Variants in SFMBT2 observed in about 807,000 individuals in gnomAD.
SFMBT2 encodes the protein scm-like with four MBT domains protein 2.
A neutral mutation model predicts 110.1 loss-of-function variants in SFMBT2; 38 were observed. That is an observed-to-expected ratio of 0.35 (90% CI 0.27 to 0.45). The LOEUF (loss-of-function observed/expected upper bound fraction) is 0.45. SFMBT2 is among the 20% of genes least tolerant of loss of function. The pLI is 1.00. For synonymous variants in SFMBT2, 425 were observed against 425.4 expected (o/e 1.00, Z 0.01); for missense variants, 1,011 against 1,094.9 (o/e 0.92, Z 1.08).
chr10:7,327,697 G>A (rs926426304), intron 4 of SFMBT2, among the ~76,000 whole-genome samples: 6 of 148,468 alleles, frequency 4.0e-5, no homozygotes, highest in South Asian at 2.1e-4. Flanking sequence ...AAAAAAAAAA[G>A]AACGTCATAT....
chr10:7,249,634 C>T lies in SFMBT2; in HGVS notation c.871-985G>A, dbSNP rs142228572. ...AGTGGGTTTTTAATTACTCCAACGA[C>T]GCCACTCTATATCCAACTCTGAGGA... On this transcript the variant is annotated intron_variant, in intron 7 of 20. Transcript: ENST00000397167. 1.0e-4 allele frequency: 78 copies of T among 770,536 alleles called. 1 individual carries two copies. In the East Asian group the frequency reaches 1.4e-3, roughly 14 times the overall value. 47.7% of individuals were successfully genotyped at this position (770,536 alleles called of 1,614,324 possible). A position where few individuals can be genotyped will look rare whatever the true frequency, so the allele number is the denominator to read the frequency against.
intron 4 of SFMBT2, among the ~76,000 whole-genome samples, chr10:7,324,391 T>C (rs141833319): frequency 1.1e-3 from 162 of 151,844 alleles, no homozygotes; most frequent in African/African-American, 3.7e-3. Flanking sequence ...GAGTAAGAGG[T>C]GATGGTGCAG....
intron 1 of SFMBT2, among the ~76,000 whole-genome samples, chr10:7,385,795 C>T (rs537316939): frequency 9.9e-5 from 15 of 152,092 alleles, no homozygotes; most frequent in South Asian, 4.2e-4. Context: ...GTCAGGAGAT[C>T]AAGACCATCC....
At chr10:7,164,378 A>G (rs1837637499) in intron 20 of SFMBT2, 1 of 971,868 alleles carries the variant, frequency 1.0e-6, no homozygotes, top group Non-Finnish European at 1.2e-6. Flanking sequence ...ACAGCAGGAG[A>G]CTCTCTAAAC....
chr10:7,221,493 G>A (rs1839735490), intron 10 of SFMBT2, among the ~76,000 whole-genome samples: 1 of 151,632 alleles, frequency 6.6e-6, no homozygotes, highest in Admixed American at 6.6e-5. Flanking sequence ...TGGAACCTGG[G>A]AGGCAGAGGT....
chr10:7,380,184 G>T (rs1399331840), intron 2 of SFMBT2, among the ~76,000 whole-genome samples: 1 of 152,174 alleles, frequency 6.6e-6, no homozygotes, highest in Non-Finnish European at 1.5e-5. Flanking sequence ...GAATAATTAG[G>T]ATGAACTTTC....
intron 1 of SFMBT2, among the ~76,000 whole-genome samples, chr10:7,382,804 T>C (rs763131256): frequency 6.6e-6 from 1 of 152,230 alleles, no homozygotes; most frequent in Non-Finnish European, 1.5e-5. Context: ...GACAAGACTT[T>C]CCCTACGATA....
chr10:7,190,068 G>A (rs74117224), intron 15 of SFMBT2, among the ~76,000 whole-genome samples: 172 of 152,268 alleles, frequency 1.1e-3, no homozygotes, highest in African/African-American at 4.0e-3. Flanking sequence ...CGGTCAGCCC[G>A]GCGACGGCCT....
intron 4 of SFMBT2, among the ~76,000 whole-genome samples, chr10:7,303,937 C>T (rs1050663208): frequency 6.6e-6 from 1 of 152,202 alleles, no homozygotes; most frequent in East Asian, 1.9e-4. Flanking sequence ...CCTCTCATTT[C>T]CCTTCCTGCA....
chr10:7,171,987 G>A lies in SFMBT2; in HGVS notation c.2323C>T (p.Pro775Ser), dbSNP rs778596549. ...CCGCGGCCCCTTCGTGTCCTCTCTG[G>A]GGGTGGCCGGCGCACGGGCTCTGAG... ...SGSEPVRRPP[P>S]ERTRRGRGAP... Residue 775 changes from proline (P) to serine (S), a missense_variant, in exon 19 of 21, where the codon CCA becomes TCA. By Grantham distance (74) the Pro-to-Ser change is moderately conservative. This residue lies in a region of SFMBT2 where 979 missense variants were observed against 1,016.1 expected (regional missense o/e 0.96). Transcript: ENST00000397167. The surrounding 1 kb of genome is among the most constrained non-coding windows in gnomAD (Gnocchi z 4.9). 6.5e-7 allele frequency: 1 copy of A among 1,549,548 alleles called. No individual in the cohort carries two copies. The highest frequency in any genetic ancestry group is 2.4e-5 in the East Asian group (1 of 41,694).
intron 5 of SFMBT2, chr10:7,284,909 C>G (rs1192023374): frequency 2.0e-5 from 3 of 152,144 alleles, no homozygotes; most frequent in Admixed American, 2.0e-4. Context: ...AAAGGATGAA[C>G]TATCATCATT....
At chr10:7,263,118 C>T (rs1043945318) in intron 7 of SFMBT2, among the ~76,000 whole-genome samples, 4 of 152,142 alleles carry the variant, frequency 2.6e-5, no homozygotes, top group African/African-American at 4.8e-5. Flanking sequence ...AGAACAGACC[C>T]GGCTCCAGCC....
Position 7,163,640 on chromosome 10 carries a change from G to C in SFMBT2, c.*130C>G. ...AGGCTGGCGGAGGCAGAAGATCCTG[G>C]GCTTCTGGTTTTCTGGTGATACTTA... On this transcript the variant is annotated 3_prime_UTR_variant, in exon 21 of 21. Transcript: ENST00000397167. This position sits in a 1 kb window ranked among gnomAD's most constrained non-coding sequence, Gnocchi z 4.8. 1.3e-6 allele frequency: 1 copy of C among 793,450 alleles called. No individual in the cohort carries two copies. The allele number at this position is 793,450 out of a possible 1,614,324, so 49.2% of individuals were successfully genotyped here.
intron 7 of SFMBT2, among the ~76,000 whole-genome samples, chr10:7,256,655 C>T (rs541619703): frequency 6.6e-5 from 10 of 152,296 alleles, no homozygotes; most frequent in African/African-American, 1.9e-4. Flanking sequence ...TCCATCGATA[C>T]CGACTTCCAT....
chr10:7,305,041 C>G (rs559642230), intron 4 of SFMBT2, among the ~76,000 whole-genome samples: 1 of 152,168 alleles, frequency 6.6e-6, no homozygotes, highest in Non-Finnish European at 1.5e-5. Flanking sequence ...CCCTCTCCTT[C>G]TACAGAAAGA....
intron 4 of SFMBT2, among the ~76,000 whole-genome samples, chr10:7,351,548 T>G (rs1157572410): frequency 6.6e-6 from 1 of 152,182 alleles, no homozygotes; most frequent in East Asian, 1.9e-4. Context: ...AATTAAGTGG[T>G]GGCATTAGGA....
At chr10:7,314,114 A>C (rs1458692523) in intron 4 of SFMBT2, among the ~76,000 whole-genome samples, 2 of 152,240 alleles carry the variant, frequency 1.3e-5, no homozygotes, top group African/African-American at 4.8e-5. Context: ...AACATGTCCT[A>C]GTTAGAACAT....
At chr10:7,181,549 G>A (rs1178090937) in intron 16 of SFMBT2, among the ~76,000 whole-genome samples, 1 of 152,122 alleles carries the variant, frequency 6.6e-6, no homozygotes, top group African/African-American at 2.4e-5. Flanking sequence ...AAAGCACTTA[G>A]AAATAATATA....
intron 7 of SFMBT2, among the ~76,000 whole-genome samples, chr10:7,271,020 C>T (rs1280380651): frequency 6.6e-6 from 1 of 152,136 alleles, no homozygotes; most frequent in Non-Finnish European, 1.5e-5. Flanking sequence ...CATGGTGGCT[C>T]ACGCCTATAA....
Sources: allele counts gnomAD v4.1 joint callset (sites outside exome capture counted in the v4.1 genomes callset), GRCh38; gene constraint gnomAD v4.1.1; regional missense constraint gnomAD v4.1.1; non-coding constraint Gnocchi (gnomAD v3.1); transcripts MANE v1.5; gene names NCBI Gene and HGNC (gene_info 2026-07-23, HGNC 2026-07-21).